GSN: variants seen among roughly 807,000 people sequenced by gnomAD.
GSN encodes the protein gelsolin, also known as actin-depolymerizing factor.
A neutral mutation model predicts 85.7 loss-of-function variants in GSN; 56 were observed. The ratio of observed to expected loss-of-function variants is 0.65; its 90% CI spans 0.53 to 0.82. GSN has a LOEUF of 0.82. Among genes scored for constraint, GSN ranks in the 40% least tolerant of loss-of-function variants. The pLI is 0.00. For synonymous variants in GSN, 373 were observed against 399.1 expected, an observed-to-expected ratio of 0.93 and a Z score of 0.78; for missense variants, 857 against 979.8, an observed-to-expected ratio of 0.87 and a Z score of 1.67.
intron 5 of GSN, chr9:121,239,078 T>G (rs2054551435): frequency 2.6e-6 from 1 of 387,812 alleles, no homozygotes; most frequent in Non-Finnish European, 5.1e-6. Flanking sequence ...ATGGTAAGAG[T>G]AGGAATTTGA....
intron 5 of GSN, chr9:121,238,646 C>T: frequency 3.4e-6 from 1 of 291,278 alleles, no homozygotes; most frequent in Non-Finnish European, 6.8e-6. Flanking sequence ...TAATTCTCTC[C>T]CTCTGGAGAA....
chr9:121,299,444 T>C lies in GSN; in HGVS notation c.-9-2519T>C, dbSNP rs2133119926. The stretch of plus-strand genomic sequence containing the variant: ...AAAATGGGTTGGCCGTTGTACCCTC[T>C]CTGAAAAGGATGTGCTGATGCCTCG... On this transcript the variant is annotated intron_variant, in intron 2 of 17. Coordinates refer to ENST00000432226, the MANE Select transcript of GSN (RefSeq NM_198252.3). This position sits in a 1 kb window ranked among gnomAD's most constrained non-coding sequence, Gnocchi z 4.2. 1 of 984,972 alleles carries C rather than the reference T, an allele frequency of 1.0e-6. No homozygotes were observed. Among genetic ancestry groups the C allele is most frequent in the East Asian group, 1.1e-4 (1 of 8,818 alleles). The allele number at this position is 984,972 out of a possible 1,614,324, so 61.0% of individuals were successfully genotyped here. A position where few individuals can be genotyped will look rare whatever the true frequency, so the allele number is the denominator to read the frequency against.
chr9:121,317,233 G>C lies in GSN; in HGVS notation c.886+15G>C, dbSNP rs769361815. On this transcript the variant is annotated intron_variant, in intron 8 of 17. Coordinates refer to ENST00000432226, the MANE Select transcript of GSN (RefSeq NM_198252.3). ...TGTCTGGAAAGGTACTGGAGACAGG[G>C]AAAGGGTCCCAACTGGCCTGTAGGA... The C allele has an allele frequency of 8.7e-6, 14 of 1,613,800 alleles. No individual in the cohort carries two copies. The highest frequency in any genetic ancestry group is 1.0e-5 in the Non-Finnish European group (12 of 1,179,924).
At chr9:121,283,671 GTTCATTCATTCATTCA>G (rs10566145) in intron 2 of GSN, 5 of 128,556 alleles carry the variant, frequency 3.9e-5, no homozygotes, top group East Asian at 3.2e-4. Flanking sequence ...ATGTATATAG[GTTCATTCATTCATTCA>G]TTCATTCATT....
chr9:121,288,392 ACC>A (rs1373278724), intron 2 of GSN, among the ~76,000 whole-genome samples: 2 of 152,160 alleles, frequency 1.3e-5, no homozygotes, highest in Non-Finnish European at 2.9e-5. Context: ...TGTCTGACGC[ACC>A]CGAGGAGCTG....
At chr9:121,300,186 GC>G in intron 2 of GSN, 2 of 1,204,000 alleles carry the variant, frequency 1.7e-6, no homozygotes, top group Non-Finnish European at 2.5e-6. Flanking sequence ...GAGCCTCGGG[GC>G]CCTGGCTGTT....
intron 1 of GSN, among the ~76,000 whole-genome samples, chr9:121,273,693 C>T (rs978883616): frequency 6.6e-6 from 1 of 151,738 alleles, no homozygotes. Flanking sequence ...AACATTATAT[C>T]GTAAGTATTT....
In GSN at chr9:121,312,459, G is replaced by C; in HGVS notation, c.634G>C (p.Glu212Gln). Residue 212 changes from glutamate to glutamine, a missense_variant, in exon 6 of 18, where the codon GAG becomes CAG. By Grantham distance (29) the Glu-to-Gln change is conservative. Coordinates refer to ENST00000432226, the MANE Select transcript of GSN (RefSeq NM_198252.3). ...CCGGGCCCGAGTGCACGTGTCTGAG[G>C]AGGGCACTGAGCCCGAGGCGATGCT... is the stretch of plus-strand genomic sequence containing the variant. Reference protein sequence around the residue: ...SGRARVHVSEEGTEPEAMLQV... With the variant: ...SGRARVHVSEQGTEPEAMLQV... 1 of 1,613,912 alleles carries C rather than the reference G, an allele frequency of 6.2e-7. No homozygotes were observed. The highest frequency in any genetic ancestry group is 8.5e-7 in the Non-Finnish European group (1 of 1,179,912).
At chr9:121,295,721 T>A (rs948400413) in intron 2 of GSN, among the ~76,000 whole-genome samples, 2 of 152,108 alleles carry the variant, frequency 1.3e-5, no homozygotes, top group Non-Finnish European at 2.9e-5. Flanking sequence ...CAGGGGGACA[T>A]GGGCTGTACA....
rs762267106 is a variant in GSN, at chr9:121,328,963, A to G, written c.1835A>G (p.Asp612Gly). 6.8e-6 allele frequency: 11 copies of G among 1,613,918 alleles called. No homozygotes were observed. The highest frequency in any genetic ancestry group is 9.3e-6 in the Non-Finnish European group (11 of 1,180,030). Reference protein sequence around the residue: ...TSPRLKDKKMDAHPPRLFACS... With the variant: ...TSPRLKDKKMGAHPPRLFACS... Reference sequence around the variant, plus strand: ...CCACGGCTGAAGGACAAGAAGATGGATGCCCATCCTCCTCGCCTCTTTGCC... The same window carrying G: ...CCACGGCTGAAGGACAAGAAGATGGGTGCCCATCCTCCTCGCCTCTTTGCC... Residue 612 changes from aspartate (D) to glycine (G), a missense_variant, in exon 15 of 18, where the codon GAT (aspartate) becomes GGT (glycine). Asp to Gly is a moderately conservative substitution (Grantham distance 94, BLOSUM62 -1). Transcript: ENST00000432226.
At chr9:121,258,986 C>T (rs2132270269) in intron 6 of GSN, among the ~76,000 whole-genome samples, 1 of 152,292 alleles carries the variant, frequency 6.6e-6, no homozygotes, top group East Asian at 1.9e-4. Flanking sequence ...CAATAGTGAA[C>T]AAGACTTGGT....
intron 2 of GSN, chr9:121,285,174 T>C (rs941924352): frequency 6.0e-6 from 1 of 167,240 alleles, no homozygotes; most frequent in Non-Finnish European, 1.5e-5. Flanking sequence ...TGGTGATGAT[T>C]AAACAATGGG....
At chr9:121,221,169 A>G (rs1220059171) in intron 4 of GSN, among the ~76,000 whole-genome samples, 1 of 152,192 alleles carries the variant, frequency 6.6e-6, no homozygotes, top group Non-Finnish European at 1.5e-5. Context: ...TAACATCACA[A>G]ACTCAACCTT....
At chr9:121,213,045 A>G (rs2053996604) in intron 4 of GSN, among the ~76,000 whole-genome samples, 1 of 152,090 alleles carries the variant, frequency 6.6e-6, no homozygotes, top group Non-Finnish European at 1.5e-5. Context: ...TCCTGCCCAT[A>G]TATTTATTTT....
intron 5 of GSN, 51 bp from the exon 6 acceptor site, chr9:121,312,288 C>A: frequency 3.1e-6 from 5 of 1,603,580 alleles, no homozygotes; most frequent in Non-Finnish European, 4.3e-6. Context: ...TGTCGCTGGG[C>A]GGGGCTTATA....
chr9:121,288,067 C>T (rs2058329112), intron 2 of GSN, among the ~76,000 whole-genome samples: 1 of 152,202 alleles, frequency 6.6e-6, no homozygotes, highest in Non-Finnish European at 1.5e-5. Flanking sequence ...GGTGGGACCA[C>T]AGGCACACAC....
intron 5 of GSN, among the ~76,000 whole-genome samples, chr9:121,245,173 A>T (rs2054675545): frequency 1.3e-5 from 2 of 152,224 alleles, no homozygotes; most frequent in African/African-American, 4.8e-5. Flanking sequence ...AGAAGACTAT[A>T]TCTGGCAAAA....
rs2064044468 is a variant in GSN, at chr9:121,332,420, A to G, written c.2027-14A>G. On this transcript the variant is annotated splice_polypyrimidine_tract_variant and intron_variant, in intron 17 of 17. Coordinates refer to ENST00000432226, the MANE Select transcript of GSN (RefSeq NM_198252.3). This position sits in a 1 kb window ranked among gnomAD's most constrained non-coding sequence, Gnocchi z 4.8. ...AATTCCTGGGGTTTCCTTTTCTTGC[A>G]CGTGTGTCTGCAGCTAAGCGGTACA... The G allele has an allele frequency of 6.2e-7, 1 of 1,613,252 alleles. No homozygotes were observed. The highest frequency in any genetic ancestry group is 8.5e-7 in the Non-Finnish European group (1 of 1,179,234).
At chr9:121,330,209 T>G (rs1277247628) in intron 16 of GSN, among the ~76,000 whole-genome samples, 2 of 152,172 alleles carry the variant, frequency 1.3e-5, no homozygotes, top group Admixed American at 1.3e-4. Flanking sequence ...GTGCTGAGAA[T>G]CCTATGATGA....
Sources: gnomAD v4.1 joint callset for allele counts (sites outside exome capture counted in the v4.1 genomes callset) on GRCh38, gnomAD v4.1.1 for gene constraint, Gnocchi (gnomAD v3.1) non-coding constraint, MANE v1.5 for transcripts, NCBI Gene and HGNC (gene_info 2026-07-23, HGNC 2026-07-21) for gene names.